The following CNBD1 variants were observed in gnomAD, a reference collection of about 807,000 sequenced individuals.
The protein encoded by CNBD1 is cyclic nucleotide-binding domain-containing protein 1.
A neutral mutation model predicts 54.4 loss-of-function variants in CNBD1; 71 were observed. The ratio of observed to expected loss-of-function variants is 1.30; its 90% CI spans 1.08 to 1.59. The LOEUF is 1.59. Ranked by LOEUF, CNBD1 falls within the 40% of genes most tolerant of loss-of-function variation. The pLI is 0.00. For missense variants in CNBD1, 659 were observed against 518.0 expected (o/e 1.27, Z -2.64); for synonymous variants, 182 against 170.7 (o/e 1.07, Z -0.51).
intron 4 of CNBD1, among the ~76,000 whole-genome samples, chr8:87,111,992 C>G (rs562241946): frequency 6.6e-6 from 1 of 152,144 alleles, no homozygotes; most frequent in Non-Finnish European, 1.5e-5. Context: ...AATGTTGGTA[C>G]CTCCGTCACC....
intron 4 of CNBD1, among the ~76,000 whole-genome samples, chr8:86,995,434 A>G (rs922711894): frequency 6.6e-6 from 1 of 152,232 alleles, no homozygotes; most frequent in African/African-American, 2.4e-5. Context: ...GAGTGGCTGG[A>G]TATGGCCCAT....
intron 4 of CNBD1, among the ~76,000 whole-genome samples, chr8:86,994,303 G>A (rs938689490): frequency 1.3e-5 from 2 of 152,210 alleles, no homozygotes; most frequent in African/African-American, 4.8e-5. Flanking sequence ...CACCCAGGCT[G>A]GACAGCAAAG....
At chr8:87,306,619 G>A (rs146566254) in intron 8 of CNBD1, among the ~76,000 whole-genome samples, 3 of 152,248 alleles carry the variant, frequency 2.0e-5, no homozygotes, top group African/African-American at 7.2e-5. Flanking sequence ...GTAGTGACCT[G>A]GATGAGATTG....
At chr8:87,370,190 G>A (rs7844198) in intron 10 of CNBD1, among the ~76,000 whole-genome samples, 84,338 of 150,602 alleles carry the variant, frequency 0.56, 25,039 homozygotes, top group African/African-American at 0.76. Flanking sequence ...ATAAACATAC[G>A]TGTGCATGTG....
intron 4 of CNBD1, among the ~76,000 whole-genome samples, chr8:87,064,839 C>T (rs1416974283): frequency 6.6e-6 from 1 of 151,880 alleles, no homozygotes; most frequent in Non-Finnish European, 1.5e-5. Flanking sequence ...TCTTTCATCA[C>T]TTTAGTACAA....
chr8:87,045,231 A>G (rs1810156513), intron 4 of CNBD1, among the ~76,000 whole-genome samples: 1 of 152,182 alleles, frequency 6.6e-6, no homozygotes, highest in South Asian at 2.1e-4. Context: ...TATAGCATTG[A>G]GTATACAGGG....
intron 4 of CNBD1, among the ~76,000 whole-genome samples, chr8:87,051,752 C>A (rs540783149): frequency 4.6e-5 from 7 of 152,266 alleles, no homozygotes; most frequent in Admixed American, 4.6e-4. Context: ...TGTTCTTTGC[C>A]TTCATTCTGG....
chr8:87,320,225 A>G (rs1054435234), intron 8 of CNBD1, among the ~76,000 whole-genome samples: 2 of 152,076 alleles, frequency 1.3e-5, no homozygotes, highest in South Asian at 2.1e-4. Context: ...CAAGTTCATT[A>G]TATTTCAGGC....
At chr8:87,139,516 C>A (rs1035429828) in intron 4 of CNBD1, among the ~76,000 whole-genome samples, 1 of 152,112 alleles carries the variant, frequency 6.6e-6, no homozygotes, top group Non-Finnish European at 1.5e-5. Flanking sequence ...GGTTTGATAG[C>A]AGAGGAATAC....
intron 6 of CNBD1, among the ~76,000 whole-genome samples, chr8:87,253,461 C>T (rs1309186547): frequency 1.3e-5 from 2 of 152,132 alleles, no homozygotes; most frequent in South Asian, 4.1e-4. Context: ...GAAAGCACGT[C>T]CACCTTTCAT....
At chr8:87,255,193 A>G (rs1399778708) in intron 6 of CNBD1, among the ~76,000 whole-genome samples, 1 of 152,162 alleles carries the variant, frequency 6.6e-6, no homozygotes, top group African/African-American at 2.4e-5. Flanking sequence ...TTGCAAAAAA[A>G]AGTCGACAGA....
intron 4 of CNBD1, among the ~76,000 whole-genome samples, chr8:87,173,028 T>C (rs964110225): frequency 1.1e-4 from 16 of 152,160 alleles, no homozygotes; most frequent in Non-Finnish European, 1.8e-4. Context: ...TATATTTTTG[T>C]GTATTTGTTG....
chr8:87,370,278 T>C (rs1305502462), intron 10 of CNBD1, among the ~76,000 whole-genome samples: 3 of 152,260 alleles, frequency 2.0e-5, no homozygotes, highest in African/African-American at 4.8e-5. Flanking sequence ...GTATTTCTAG[T>C]TCTAGATCCC....
chr8:86,916,037 A>G (rs779345757), intron 3 of CNBD1, among the ~76,000 whole-genome samples: 2 of 152,106 alleles, frequency 1.3e-5, no homozygotes, highest in Non-Finnish European at 2.9e-5. Context: ...CCTGTATCCC[A>G]TGTGCCATCA....
At chr8:87,079,742 A>G (rs902291578) in intron 4 of CNBD1, among the ~76,000 whole-genome samples, 21 of 152,132 alleles carry the variant, frequency 1.4e-4, no homozygotes, top group Admixed American at 1.3e-4. Context: ...TCACAAATGT[A>G]TTGCAAATAT....
intron 4 of CNBD1, among the ~76,000 whole-genome samples, chr8:87,042,020 T>G (rs892488965): frequency 3.9e-5 from 6 of 152,146 alleles, no homozygotes; most frequent in African/African-American, 1.4e-4. Flanking sequence ...TGAGAAGTAG[T>G]CAGGTTTACC....
chr8:87,006,355 T>C (rs1206673736), intron 4 of CNBD1, among the ~76,000 whole-genome samples: 1 of 152,098 alleles, frequency 6.6e-6, no homozygotes, highest in Non-Finnish European at 1.5e-5. Flanking sequence ...ATAACAAGTA[T>C]AAAATAAATT....
At chr8:87,063,678 A>G (rs984939817) in intron 4 of CNBD1, among the ~76,000 whole-genome samples, 10 of 152,030 alleles carry the variant, frequency 6.6e-5, no homozygotes, top group African/African-American at 2.4e-4. Flanking sequence ...TCAGGGTTCT[A>G]TTATCTATAT....
intron 2 of CNBD1, among the ~76,000 whole-genome samples, chr8:86,889,011 T>C (rs1808726442): frequency 6.6e-6 from 1 of 152,150 alleles, no homozygotes; most frequent in South Asian, 2.1e-4. Flanking sequence ...GAGACAATTA[T>C]CTCATTCAGG....
Sources: allele counts gnomAD v4.1 joint callset (sites outside exome capture counted in the v4.1 genomes callset), GRCh38; gene constraint gnomAD v4.1.1; transcripts MANE v1.5; gene names NCBI Gene and HGNC (gene_info 2026-07-23, HGNC 2026-07-21).